Variants in YTHDF3 observed in about 807,000 individuals in gnomAD.
The protein encoded by YTHDF3 is YTH N6-methyladenosine RNA binding protein F3, also known as YTH domain-containing family protein 3.
In YTHDF3, 9 loss-of-function variants were observed where a neutral mutation model predicts 52.5. The ratio of observed to expected loss-of-function variants is 0.17; its 90% CI spans 0.10 to 0.30. The LOEUF is 0.30. YTHDF3 is among the 10% of genes least tolerant of loss of function. YTHDF3 has a pLI of 1.00. For synonymous variants in YTHDF3, 274 were observed against 243.3 expected, an observed-to-expected ratio of 1.13 and a Z score of -1.18; for missense variants, 534 against 715.0, an observed-to-expected ratio of 0.75 and a Z score of 2.89.
At chr8:63,193,977 A>T (rs1809076352) in intron 4 of YTHDF3, among the ~76,000 whole-genome samples, 1 of 152,138 alleles carries the variant, frequency 6.6e-6, no homozygotes, top group Non-Finnish European at 1.5e-5. Context: ...TCTGGGATAC[A>T]TACCTAATAG....
chr8:63,207,707 CT>C (rs1164259831), intron 4 of YTHDF3, among the ~76,000 whole-genome samples: 2 of 152,140 alleles, frequency 1.3e-5, no homozygotes, highest in Non-Finnish European at 2.9e-5. Flanking sequence ...TTAAACTACT[CT>C]TTGTCTGACT....
chr8:63,173,070 C>G lies in YTHDF3; in HGVS notation c.50-2261C>G, dbSNP rs371979057. 4.4e-4 allele frequency among the ~76,000 whole-genome samples: 66 copies of G among 151,450 alleles called. No individual in the cohort carries two copies. The East Asian group carries it at 6.0e-3, about 14-fold the overall frequency. ...TGACTTTTTGTACTATATTTTAAGA[C>G]TTTATAGACATTTATGCATCATTTA... is the stretch of plus-strand genomic sequence containing the variant. On this transcript the variant is annotated intron_variant, in intron 2 of 4. Coordinates refer to ENST00000539294, the MANE Select transcript of YTHDF3 (RefSeq NM_152758.6).
At chr8:63,193,422 G>GACTAAA (rs1434852499) in intron 4 of YTHDF3, among the ~76,000 whole-genome samples, 1 of 122,782 alleles carries the variant, frequency 8.1e-6, no homozygotes, top group African/African-American at 3.0e-5. Context: ...TTTCTTAAAA[G>GACTAAA]ACTAAAAGAA....
chr8:63,199,745 CTT>C (rs1809478029), intron 4 of YTHDF3, among the ~76,000 whole-genome samples: 1 of 152,130 alleles, frequency 6.6e-6, no homozygotes, highest in East Asian at 1.9e-4. Flanking sequence ...GCTTAACTGA[CTT>C]TACCTGTTTC....
intron 4 of YTHDF3, among the ~76,000 whole-genome samples, chr8:63,194,634 C>G (rs919559660): frequency 6.6e-6 from 1 of 152,144 alleles, no homozygotes; most frequent in Non-Finnish European, 1.5e-5. Context: ...AGATAACTTT[C>G]CCCCAGAAAA....
intron 2 of YTHDF3, among the ~76,000 whole-genome samples, chr8:63,169,833 A>G (rs1326961520): frequency 6.6e-6 from 1 of 152,244 alleles, no homozygotes; most frequent in Non-Finnish European, 1.5e-5. Flanking sequence ...CACATTAATG[A>G]AAATTGTACT....
chr8:63,170,880 A>C (rs887934664), intron 2 of YTHDF3, among the ~76,000 whole-genome samples: 2 of 152,204 alleles, frequency 1.3e-5, no homozygotes, highest in African/African-American at 4.8e-5. Flanking sequence ...ACTGTAAGTC[A>C]GTAAAATAAG....
chr8:63,188,978 T>C (rs1808737094), intron 4 of YTHDF3: 1 of 151,984 alleles, frequency 6.6e-6, no homozygotes, highest in Admixed American at 6.5e-5. Flanking sequence ...CCCAAAGTGC[T>C]GGGATTACAG....
At chr8:63,169,020 G>T in intron 1 of YTHDF3, 119 bp downstream of exon 1, 2 of 1,467,166 alleles carry the variant, frequency 1.4e-6, no homozygotes, top group Non-Finnish European at 1.8e-6. Flanking sequence ...TGCCCCGGGC[G>T]CAAGTTGCTG....
Position 63,186,756 on chromosome 8 carries a change from C to G in YTHDF3, c.745C>G (p.Gln249Glu). ...CATTGCCAGAAAGCCTGCCAAACCT[C>G]AACCGAAACTTAAACCCAAGGGCAA... ...AAIARKPAKP[Q>E]PKLKPKGNVG... is the part of the protein sequence containing the mutation. Residue 249 changes from glutamine to glutamate, a missense_variant, in exon 4 of 5, where the codon CAA becomes GAA. Physicochemically the swap from Gln to Glu is conservative, Grantham distance 29 (BLOSUM62 2). Around this residue, in one of 3 missense-constraint regions of YTHDF3, gnomAD observed 203 missense variants for 201.3 expected, o/e 1.01. Transcript: ENST00000539294. The G allele has an allele frequency of 6.2e-7, 1 of 1,613,974 alleles. No homozygotes were observed. Among genetic ancestry groups the G allele is most frequent in the Non-Finnish European group, 8.5e-7 (1 of 1,179,882 alleles).
intron 2 of YTHDF3, chr8:63,173,681 G>A (rs1348324711): frequency 3.0e-6 from 3 of 984,896 alleles, no homozygotes; most frequent in African/African-American, 3.5e-5. Context: ...GAGGAGAACA[G>A]GTATGTCAGA....
intron 2 of YTHDF3, among the ~76,000 whole-genome samples, chr8:63,172,305 T>A (rs1807378817): frequency 6.6e-6 from 1 of 152,186 alleles, no homozygotes; most frequent in Non-Finnish European, 1.5e-5. Context: ...ATACTTACAG[T>A]CTTAGGCCTT....
intron 3 of YTHDF3, among the ~76,000 whole-genome samples, chr8:63,180,371 C>T (rs1159534114): frequency 3.3e-5 from 5 of 149,432 alleles, no homozygotes; most frequent in African/African-American, 5.0e-5. Flanking sequence ...ACATCTCAGA[C>T]GATGGGCGGC....
intron 4 of YTHDF3, 116 bp downstream of exon 4, chr8:63,187,861 C>T (rs1461284193): frequency 2.6e-6 from 3 of 1,138,492 alleles, no homozygotes; most frequent in Non-Finnish European, 3.6e-6. Context: ...TAAGAAACAA[C>T]TCTACAAACA....
chr8:63,175,299 C>T lies in YTHDF3; in HGVS notation c.50-32C>T, dbSNP rs558456414. 92 of 1,520,652 alleles carry T rather than the reference C, an allele frequency of 6.1e-5. No individual in the cohort carries two copies. In the Admixed American group the frequency reaches 1.3e-3, roughly 21 times the overall value. 94.2% of individuals were successfully genotyped at this position (1,520,652 alleles called of 1,614,324 possible). A position where few individuals can be genotyped will look rare whatever the true frequency, so the allele number is the denominator to read the frequency against. On this transcript the variant is annotated intron_variant, in intron 2 of 4. Coordinates refer to ENST00000539294, the MANE Select transcript of YTHDF3 (RefSeq NM_152758.6). ...TGTGCTGCGAGTTTCATAAAGATAA[C>T]TACAACACTTCTAATACAAACATTT...
rs1382674423 is a variant in YTHDF3 at position 63,210,739 on chromosome 8, T to A, written c.*1033T>A. On this transcript the variant is annotated 3_prime_UTR_variant, in exon 5 of 5. Coordinates refer to ENST00000539294, the MANE Select transcript of YTHDF3 (RefSeq NM_152758.6). ...CCTTGATCCATGGATTAAATCAGTA[T>A]CTAAGTGAATGTGTTGATGTTTTAT... The A allele has an allele frequency of 6.6e-6, 1 of 152,590 alleles. No individual in the cohort carries two copies. Among genetic ancestry groups the A allele is most frequent in the Non-Finnish European group, 1.5e-5 (1 of 67,988 alleles). 9.5% of individuals were successfully genotyped at this position (152,590 alleles called of 1,614,324 possible). A position where few individuals can be genotyped will look rare whatever the true frequency, so the allele number is the denominator to read the frequency against.
intron 4 of YTHDF3, among the ~76,000 whole-genome samples, chr8:63,200,397 AT>A (rs1809530986): frequency 6.6e-6 from 1 of 151,648 alleles, no homozygotes; most frequent in East Asian, 1.9e-4. Flanking sequence ...TTTTTTTTAA[AT>A]TTTTAAATTT....
Position 63,185,997 on chromosome 8 carries a change from CTG to C in YTHDF3, c.136-149_136-148del, listed in dbSNP as rs1163210564. 12 of 885,714 alleles carry C rather than the reference CTG, an allele frequency of 1.4e-5. No homozygotes were observed. The South Asian group carries it at 1.5e-4, about 11-fold the overall frequency. 54.9% of individuals were successfully genotyped at this position (885,714 alleles called of 1,614,324 possible). A position where few individuals can be genotyped will look rare whatever the true frequency, so the allele number is the denominator to read the frequency against. ...TCAGCAAATTTTTCTGTTGATAAAACTGGATTTGAAATTTTAATTTTGTTTAT... is the reference window on the plus strand; with the variant it reads ...TCAGCAAATTTTTCTGTTGATAAAACGATTTGAAATTTTAATTTTGTTTAT... On this transcript the variant is annotated intron_variant, in intron 3 of 4. Coordinates refer to ENST00000539294, the MANE Select transcript of YTHDF3 (RefSeq NM_152758.6).
rs1810282346 is a variant in YTHDF3 at position 63,209,908 on chromosome 8, G to GT, written c.*203dup. The GT allele has an allele frequency of 2.1e-6, 1 of 487,060 alleles. No individual in the cohort carries two copies. Among genetic ancestry groups the GT allele is most frequent in the Non-Finnish European group, 3.6e-6 (1 of 280,826 alleles). 30.2% of individuals were successfully genotyped at this position (487,060 alleles called of 1,614,324 possible). On this transcript the variant is annotated 3_prime_UTR_variant, in exon 5 of 5. Coordinates refer to ENST00000539294, the MANE Select transcript of YTHDF3 (RefSeq NM_152758.6). ...TCTTCACCAAACACACTTGAGAACT[G>GT]TAACTTCGTCAAGCACTTTCTGTCC...
Sources: gnomAD v4.1 joint callset for allele counts (sites outside exome capture counted in the v4.1 genomes callset) on GRCh38, gnomAD v4.1.1 for gene constraint, gnomAD v4.1.1 regional missense constraint, MANE v1.5 for transcripts, NCBI Gene and HGNC (gene_info 2026-07-23, HGNC 2026-07-21) for gene names.